The following RASSF4 variants were observed in gnomAD, a reference collection of about 807,000 sequenced individuals.
RASSF4 encodes ras association domain-containing protein 4.
A neutral mutation model predicts 41.1 loss-of-function variants in RASSF4; 38 were observed. The ratio of observed to expected loss-of-function variants is 0.92; its 90% CI spans 0.71 to 1.21. RASSF4 has a LOEUF of 1.21. Ranked by LOEUF, RASSF4 falls within the 50% of genes most tolerant of loss-of-function variation. The probability of loss-of-function intolerance (pLI) is 0.00; values close to 1 mark genes in which losing one functional copy is unlikely to be tolerated. For missense variants in RASSF4, 414 were observed against 419.4 expected (o/e 0.99, Z 0.11); for synonymous variants, 179 against 163.4 (o/e 1.10, Z -0.73).
At chr10:44,976,390 A>G (rs1027722842) in intron 3 of RASSF4, 4 of 152,268 alleles carry the variant, frequency 2.6e-5, no homozygotes, top group Admixed American at 2.0e-4. Context: ...AAAGAGAATA[A>G]CCTAGACTGA....
intron 1 of RASSF4, among the ~76,000 whole-genome samples, chr10:44,966,611 A>G (rs1054734090): frequency 6.6e-6 from 1 of 152,226 alleles, no homozygotes; most frequent in African/African-American, 2.4e-5. Context: ...AAAAGGTGGA[A>G]CTTTCTTGAA....
intron 4 of RASSF4, chr10:44,983,388 A>G (rs1026837196): frequency 5.4e-6 from 1 of 186,642 alleles, no homozygotes; most frequent in African/African-American, 2.4e-5. Flanking sequence ...ATTAGAGCAT[A>G]AAGTCAGACT....
chr10:44,977,142 T>G, intron 3 of RASSF4: 1 of 426,454 alleles, frequency 2.3e-6, no homozygotes, highest in Non-Finnish European at 4.1e-6. Context: ...AACACAGATG[T>G]TAAGTAAGTT....
chr10:44,975,626 A>G lies in RASSF4; in HGVS notation c.138+3778A>G, dbSNP rs1200621892. Among the ~76,000 whole-genome samples the G allele has an allele frequency of 2.8e-5, 4 of 141,526 alleles. No homozygotes were observed. In the East Asian group the frequency reaches 8.4e-4, roughly 30 times the overall value. The allele number at this position is 141,526 out of a possible 152,430, so 92.8% of individuals were successfully genotyped here. A position where few individuals can be genotyped will look rare whatever the true frequency, so the allele number is the denominator to read the frequency against. Reference sequence around the variant, plus strand: ...CAGTGGCAAGAAGGAAGGAGAATGTAACTGCTCTACAAGGGCCCCACCAGG... The same window carrying G: ...CAGTGGCAAGAAGGAAGGAGAATGTGACTGCTCTACAAGGGCCCCACCAGG... On this transcript the variant is annotated intron_variant, in intron 3 of 10. Coordinates refer to ENST00000340258, the MANE Select transcript of RASSF4 (RefSeq NM_032023.4).
At chr10:44,975,814 G>A (rs1264622388) in intron 3 of RASSF4, among the ~76,000 whole-genome samples, 3 of 151,416 alleles carry the variant, frequency 2.0e-5, no homozygotes, top group Admixed American at 1.3e-4. Flanking sequence ...GGAAGCCCGG[G>A]GATGGTCTCC....
Position 44,982,668 on chromosome 10 carries a change from G to T in RASSF4, c.281+5G>T. 6.2e-7 allele frequency: 1 copy of T among 1,612,028 alleles called. No homozygotes were observed. Among genetic ancestry groups the T allele is most frequent in the Non-Finnish European group, 8.5e-7 (1 of 1,179,216 alleles). ...CAGACGGCCTAGCTGCCCTCTGTGA[G>T]TACCCGGTGGCTTCTGTGACACCTG... On this transcript the variant is annotated splice_donor_5th_base_variant and intron_variant, in intron 4 of 10. Coordinates refer to ENST00000340258, the MANE Select transcript of RASSF4 (RefSeq NM_032023.4).
chr10:44,971,526 C>T (rs759898424), intron 2 of RASSF4: 84 of 656,162 alleles, frequency 1.3e-4, no homozygotes, highest in Admixed American at 2.1e-4. Context: ...CTGGACCAGA[C>T]GCAGGCCTGT....
intron 6 of RASSF4, among the ~76,000 whole-genome samples, chr10:44,987,381 G>A (rs539238404): frequency 2.0e-5 from 3 of 152,202 alleles, no homozygotes; most frequent in Non-Finnish European, 4.4e-5. Flanking sequence ...ACAGGCGTAA[G>A]CCACTGCACC....
intron 1 of RASSF4, among the ~76,000 whole-genome samples, chr10:44,966,782 G>T (rs1444161807): frequency 6.6e-6 from 1 of 152,160 alleles, no homozygotes; most frequent in East Asian, 1.9e-4. Context: ...GTTGGTTTCA[G>T]TTGGTCTTAG....
intron 3 of RASSF4, chr10:44,977,875 AGAG>A (rs775469956): frequency 3.2e-5 from 51 of 1,611,876 alleles, no homozygotes; most frequent in Non-Finnish European, 5.9e-6. Context: ...TGTCCAGCAC[AGAG>A]GTGGGCTGTG....
intron 1 of RASSF4, among the ~76,000 whole-genome samples, chr10:44,962,487 A>G (rs900684248): frequency 6.6e-6 from 1 of 152,232 alleles, no homozygotes; most frequent in Non-Finnish European, 1.5e-5. Flanking sequence ...CTTTTGTCTC[A>G]CAGGGCCCTT....
chr10:44,961,539 TC>T (rs1840711154), intron 1 of RASSF4, among the ~76,000 whole-genome samples: 1 of 152,212 alleles, frequency 6.6e-6, no homozygotes, highest in Non-Finnish European at 1.5e-5. Context: ...TCATGGCCAC[TC>T]CTGCAGGCAG....
intron 3 of RASSF4, among the ~76,000 whole-genome samples, chr10:44,975,903 G>A (rs1005035721): frequency 6.6e-6 from 1 of 151,926 alleles, no homozygotes; most frequent in African/African-American, 2.4e-5. Flanking sequence ...CCTAGTTGCC[G>A]GACTCTCCCT....
Position 44,971,762 on chromosome 10 carries a change from T to TTTTAGGTCGGAG in RASSF4, c.63-11_63-10insTTTAGGTCGGAG. ...CACCCTAGGAGTACATGTGTGTCTT[T>TTTTAGGTCGGAG]CCCTTTTTAGGTCGGAGCTCTTAGG... On this transcript the variant is annotated splice_polypyrimidine_tract_variant and intron_variant, in intron 2 of 10. Coordinates refer to ENST00000340258, the MANE Select transcript of RASSF4 (RefSeq NM_032023.4). 4 of 1,612,372 alleles carry TTTTAGGTCGGAG rather than the reference T, an allele frequency of 2.5e-6. No homozygotes were observed. In the South Asian group the frequency reaches 4.4e-5, roughly 18 times the overall value.
rs1026399545 is a variant in RASSF4, at chr10:44,995,011, G to A, written c.*1682G>A. 1.3e-5 allele frequency: 2 copies of A among 152,326 alleles called. No individual in the cohort carries two copies. The highest frequency in any genetic ancestry group is 2.9e-5 in the Non-Finnish European group (2 of 68,132). The allele number at this position is 152,326 out of a possible 1,614,324, so 9.4% of individuals were successfully genotyped here. On this transcript the variant is annotated 3_prime_UTR_variant, in exon 11 of 11. Coordinates refer to ENST00000340258, the MANE Select transcript of RASSF4 (RefSeq NM_032023.4). ...CCGAGTCACAGAATCTTAGCATCAG[G>A]AGGGCCCCAAGAATCTTCCAGGCCA...
chr10:44,979,405 G>A (rs867599577), intron 3 of RASSF4, among the ~76,000 whole-genome samples: 31 of 152,330 alleles, frequency 2.0e-4, no homozygotes, highest in South Asian at 2.1e-4. Context: ...CACAGCAAAC[G>A]TAGCAGCGGA....
At chr10:44,983,351 C>T (rs1338659774) in intron 4 of RASSF4, 2 of 195,458 alleles carry the variant, frequency 1.0e-5, no homozygotes, top group Admixed American at 1.1e-4. Flanking sequence ...TGTCCCCAGT[C>T]ACTCAGCGAA....
In RASSF4 at chr10:44,973,838, G is replaced by A. The variant is rs1214003118; in HGVS notation, c.138+1990G>A. Among the ~76,000 whole-genome samples the A allele has an allele frequency of 3.3e-5, 5 of 152,314 alleles. No individual in the cohort carries two copies. The South Asian group carries it at 1.0e-3, about 32-fold the overall frequency. On this transcript the variant is annotated intron_variant, in intron 3 of 10. Transcript: ENST00000340258. ...GGGACAGCCCACATAGAGAAGTAGG[G>A]GACTCTCGGGCTGGGAAGAGGTGTT...
intron 6 of RASSF4, among the ~76,000 whole-genome samples, chr10:44,988,107 G>A (rs1250756069): frequency 6.6e-6 from 1 of 152,282 alleles, no homozygotes; most frequent in East Asian, 1.9e-4. Context: ...CTGCAGAGGA[G>A]TCACATTCGC....
Sources: allele counts gnomAD v4.1 joint callset (sites outside exome capture counted in the v4.1 genomes callset), GRCh38; gene constraint gnomAD v4.1.1; transcripts MANE v1.5; gene names NCBI Gene and HGNC (gene_info 2026-07-23, HGNC 2026-07-21).